KCNH1: variants seen among roughly 807,000 people sequenced by gnomAD.
The protein encoded by KCNH1 is voltage-gated delayed rectifier potassium channel KCNH1.
KCNH1 carries 27 observed loss-of-function variants against 69.2 expected under a neutral mutation model. That is an observed-to-expected ratio of 0.39 (90% CI 0.29 to 0.54). The LOEUF (loss-of-function observed/expected upper bound fraction) is 0.54, where lower values mean the gene tolerates loss of function less well. KCNH1 is among the 20% of genes least tolerant of loss of function. The probability of loss-of-function intolerance (pLI) is 0.68; values close to 1 mark genes in which losing one functional copy is unlikely to be tolerated. For synonymous variants in KCNH1, 456 were observed against 487.7 expected, an observed-to-expected ratio of 0.93 and a Z score of 0.86; for missense variants, 798 against 1,261.6, an observed-to-expected ratio of 0.63 and a Z score of 5.57.
intron 3 of KCNH1, among the ~76,000 whole-genome samples, chr1:211,093,768 C>T (rs564408434): frequency 1.3e-5 from 2 of 152,206 alleles, no homozygotes; most frequent in African/African-American, 2.4e-5. Context: ...TGTGGAAGAA[C>T]ATCTTTCAGT....
intron 9 of KCNH1, among the ~76,000 whole-genome samples, chr1:210,794,149 A>C (rs1488412161): frequency 6.6e-6 from 1 of 152,222 alleles, no homozygotes; most frequent in Non-Finnish European, 1.5e-5. Flanking sequence ...CAACAAGAAC[A>C]AAACTCTGAA....
At chr1:210,710,031 G>A (rs1682028071) in intron 10 of KCNH1, among the ~76,000 whole-genome samples, 1 of 152,200 alleles carries the variant, frequency 6.6e-6, no homozygotes, top group Non-Finnish European at 1.5e-5. Context: ...TTGTCATTGT[G>A]TGAACATCTT....
At chr1:211,073,956 C>T (rs1050789910) in intron 5 of KCNH1, among the ~76,000 whole-genome samples, 1 of 151,934 alleles carries the variant, frequency 6.6e-6, no homozygotes, top group Admixed American at 6.6e-5. Flanking sequence ...CAATAAGCCT[C>T]TAGCCAGGCT....
intron 6 of KCNH1, among the ~76,000 whole-genome samples, chr1:210,950,516 A>AT (rs1396419919): frequency 6.7e-6 from 1 of 150,112 alleles, no homozygotes; most frequent in Non-Finnish European, 1.5e-5. Context: ...ATGTTTTCCA[A>AT]TTTCATCCAT....
chr1:211,011,705 T>C (rs1398660696), intron 6 of KCNH1, among the ~76,000 whole-genome samples: 2 of 152,002 alleles, frequency 1.3e-5, no homozygotes, highest in African/African-American at 4.8e-5. Context: ...TTAGAAATGG[T>C]CCCCTAGCCA....
chr1:210,870,076 T>C (rs146861714), intron 7 of KCNH1, among the ~76,000 whole-genome samples: 5 of 152,264 alleles, frequency 3.3e-5, no homozygotes, highest in Middle Eastern at 3.4e-3. Context: ...AGGCAGAAAG[T>C]TGGTATTATC....
chr1:211,041,342 TG>T (rs1184899286), intron 5 of KCNH1, among the ~76,000 whole-genome samples: 3 of 152,204 alleles, frequency 2.0e-5, no homozygotes, highest in Non-Finnish European at 2.9e-5. Context: ...TCTCTTGCTC[TG>T]GTACCACAAA....
At chr1:210,970,283 G>A (rs1344522793) in intron 6 of KCNH1, among the ~76,000 whole-genome samples, 1 of 146,828 alleles carries the variant, frequency 6.8e-6, no homozygotes. Flanking sequence ...ACCCCCAACA[G>A]GCCCCGGTGT....
intron 7 of KCNH1, among the ~76,000 whole-genome samples, chr1:210,849,365 C>CTTTTTTTTTT (rs150451228): frequency 3.1e-5 from 4 of 128,038 alleles, no homozygotes; most frequent in African/African-American, 8.8e-5. Flanking sequence ...TTCTTTCTTT[C>CTTTTTTTTTT]TTTTTTTTTT....
At chr1:210,882,324 G>A (rs908536686) in intron 7 of KCNH1, among the ~76,000 whole-genome samples, 4 of 152,184 alleles carry the variant, frequency 2.6e-5, no homozygotes, top group African/African-American at 9.7e-5. Context: ...AATGGAGATT[G>A]AGCAAGGGTC....
chr1:211,124,752 T>C (rs1178542876), intron 1 of KCNH1, among the ~76,000 whole-genome samples: 1 of 152,202 alleles, frequency 6.6e-6, no homozygotes, highest in East Asian at 1.9e-4. Flanking sequence ...AAGGAACTAT[T>C]TACAAAGGTG....
intron 7 of KCNH1, among the ~76,000 whole-genome samples, chr1:210,851,581 C>T (rs1284144679): frequency 6.6e-6 from 1 of 152,154 alleles, no homozygotes; most frequent in Admixed American, 6.5e-5. Flanking sequence ...AACAATAAGA[C>T]ACAGTTTGGG....
At chr1:210,777,863 G>C (rs1043302849) in intron 9 of KCNH1, among the ~76,000 whole-genome samples, 3 of 152,220 alleles carry the variant, frequency 2.0e-5, no homozygotes, top group Non-Finnish European at 4.4e-5. Context: ...CTTAGTCACT[G>C]ACTGGCCTCA....
intron 7 of KCNH1, among the ~76,000 whole-genome samples, chr1:210,898,333 C>T (rs1006512048): frequency 4.6e-5 from 7 of 152,096 alleles, no homozygotes; most frequent in Non-Finnish European, 5.9e-5. Context: ...TTATTCTACT[C>T]GAAACAATAA....
chr1:210,745,270 G>A (rs994452702), intron 10 of KCNH1, among the ~76,000 whole-genome samples: 3 of 152,152 alleles, frequency 2.0e-5, no homozygotes, highest in African/African-American at 7.2e-5. Flanking sequence ...AAAAGCCAAT[G>A]TAGGGACTAA....
In KCNH1 at chr1:211,133,981, C is replaced by A. The variant is rs201262606; in HGVS notation, c.-36G>T. The A allele has an allele frequency of 3.8e-6, 6 of 1,585,450 alleles. No homozygotes were observed. The highest frequency in any genetic ancestry group is 2.3e-5 in the East Asian group (1 of 43,724). ...GCTCGGGGTCCGGCGGGCGTCCTGGCGCGGCTTCTTACGACAGCAGGAAAC... is the reference window on the plus strand; with the variant it reads ...GCTCGGGGTCCGGCGGGCGTCCTGGAGCGGCTTCTTACGACAGCAGGAAAC... On this transcript the variant is annotated 5_prime_UTR_variant, in exon 1 of 11. Transcript: ENST00000271751. The surrounding 1 kb of genome is among the most constrained non-coding windows in gnomAD (Gnocchi z 5.4).
At chr1:210,965,837 C>T (rs531258049) in intron 6 of KCNH1, among the ~76,000 whole-genome samples, 3 of 152,030 alleles carry the variant, frequency 2.0e-5, no homozygotes, top group South Asian at 4.2e-4. Flanking sequence ...AATGCTATCC[C>T]CATCAAGCTA....
chr1:211,027,578 A>G (rs1199764695), intron 5 of KCNH1, among the ~76,000 whole-genome samples: 1 of 152,024 alleles, frequency 6.6e-6, no homozygotes, highest in Non-Finnish European at 1.5e-5. Flanking sequence ...TAGGCAACAA[A>G]GTGGGCAACC....
At chr1:210,998,744 T>C (rs1458141304) in intron 6 of KCNH1, among the ~76,000 whole-genome samples, 1 of 152,080 alleles carries the variant, frequency 6.6e-6, no homozygotes, top group Non-Finnish European at 1.5e-5. Flanking sequence ...TAATCCAAAA[T>C]TGACCACATA....
Sources: gnomAD v4.1 joint callset for allele counts (sites outside exome capture counted in the v4.1 genomes callset) on GRCh38, gnomAD v4.1.1 for gene constraint, Gnocchi (gnomAD v3.1) non-coding constraint, MANE v1.5 for transcripts, NCBI Gene and HGNC (gene_info 2026-07-23, HGNC 2026-07-21) for gene names.